Variants in PPP1R16B observed in about 807,000 individuals in gnomAD.
PPP1R16B encodes the protein protein phosphatase 1 regulatory subunit 16B.
A neutral mutation model predicts 61.7 loss-of-function variants in PPP1R16B; 14 were observed. The ratio of observed to expected loss-of-function variants is 0.23; its 90% CI spans 0.15 to 0.35. The LOEUF (loss-of-function observed/expected upper bound fraction) is 0.35. PPP1R16B is among the 10% of genes least tolerant of loss of function. PPP1R16B has a pLI of 1.00. For synonymous variants in PPP1R16B, 266 were observed against 305.3 expected, an observed-to-expected ratio of 0.87 and a Z score of 1.34; for missense variants, 547 against 752.5, an observed-to-expected ratio of 0.73 and a Z score of 3.19.
At chr20:38,814,088 T>C (rs2084719838) in intron 1 of PPP1R16B, among the ~76,000 whole-genome samples, 1 of 152,134 alleles carries the variant, frequency 6.6e-6, no homozygotes, top group African/African-American at 2.4e-5. Flanking sequence ...TGAGCCACTG[T>C]GTCTGGCCAG....
rs1384182390 is a variant in PPP1R16B at position 38,907,590 on chromosome 20, T to C, written c.899-216T>C. ...TCATAGCTGGGAAGCTTAGGAATTGTGACTGTGCCCAGAACCTGGGTTTCC... is the reference window on the plus strand; with the variant it reads ...TCATAGCTGGGAAGCTTAGGAATTGCGACTGTGCCCAGAACCTGGGTTTCC... On this transcript the variant is annotated intron_variant, in intron 8 of 10. Transcript: ENST00000299824. This position sits in a 1 kb window ranked among gnomAD's most constrained non-coding sequence, Gnocchi z 4.5. 6.6e-6 allele frequency among the ~76,000 whole-genome samples: 1 copy of C among 152,214 alleles called. No homozygotes were observed. Among genetic ancestry groups the C allele is most frequent in the Non-Finnish European group, 1.5e-5 (1 of 68,030 alleles).
intron 1 of PPP1R16B, among the ~76,000 whole-genome samples, chr20:38,809,824 A>G (rs1209455432): frequency 6.6e-6 from 1 of 152,080 alleles, no homozygotes; most frequent in Non-Finnish European, 1.5e-5. Flanking sequence ...TACAAAAAAT[A>G]CAAAAAATTA....
At chr20:38,912,043 C>T (rs1486707636) in intron 10 of PPP1R16B, among the ~76,000 whole-genome samples, 2 of 151,266 alleles carry the variant, frequency 1.3e-5, no homozygotes, top group African/African-American at 4.9e-5. Context: ...TGCCTTGTAC[C>T]TGTCTGCTTT....
intron 2 of PPP1R16B, among the ~76,000 whole-genome samples, chr20:38,849,919 G>C (rs1303080306): frequency 6.6e-6 from 1 of 152,140 alleles, no homozygotes; most frequent in Non-Finnish European, 1.5e-5. Context: ...TACCTGTTCA[G>C]CTAGTTTTGG....
intron 2 of PPP1R16B, among the ~76,000 whole-genome samples, chr20:38,880,681 C>A (rs77852448): frequency 2.7e-3 from 406 of 152,248 alleles, no homozygotes; most frequent in African/African-American, 9.4e-3. Flanking sequence ...GAAAAAAATA[C>A]TATTCCATTG....
chr20:38,821,421 A>G (rs1367985000), intron 1 of PPP1R16B, among the ~76,000 whole-genome samples: 1 of 152,228 alleles, frequency 6.6e-6, no homozygotes, highest in Non-Finnish European at 1.5e-5. Context: ...GAAAGATGCC[A>G]CAGCAGGACT....
intron 3 of PPP1R16B, among the ~76,000 whole-genome samples, chr20:38,895,238 G>A (rs1457917810): frequency 2.6e-5 from 4 of 151,702 alleles, no homozygotes; most frequent in Admixed American, 6.6e-5. Flanking sequence ...TAAAAAATAC[G>A]TTTTAAAACC....
At chr20:38,874,397 T>C (rs887259841) in intron 2 of PPP1R16B, among the ~76,000 whole-genome samples, 2 of 152,266 alleles carry the variant, frequency 1.3e-5, no homozygotes, top group South Asian at 2.1e-4. Context: ...TATAATCTAA[T>C]TCTCAGACAA....
intron 1 of PPP1R16B, among the ~76,000 whole-genome samples, chr20:38,828,469 A>T (rs972017061): frequency 6.6e-6 from 1 of 152,250 alleles, no homozygotes; most frequent in Non-Finnish European, 1.5e-5. Flanking sequence ...AGGTGGCAAC[A>T]TCCAATTCAA....
chr20:38,880,396 G>C (rs79673875), intron 2 of PPP1R16B, among the ~76,000 whole-genome samples: 2,926 of 152,334 alleles, frequency 0.019, 90 homozygotes, highest in African/African-American at 0.067. Flanking sequence ...GCTGGGTGTG[G>C]TGGCTCACGC....
intron 5 of PPP1R16B, among the ~76,000 whole-genome samples, chr20:38,901,611 T>C (rs984884761): frequency 3.3e-5 from 5 of 152,188 alleles, no homozygotes; most frequent in Non-Finnish European, 1.5e-5. Flanking sequence ...GATTTCACCA[T>C]GTTGGCCAGG....
intron 2 of PPP1R16B, among the ~76,000 whole-genome samples, chr20:38,885,785 A>C (rs116184634): frequency 3.3e-5 from 5 of 152,194 alleles, no homozygotes; most frequent in African/African-American, 1.2e-4. Flanking sequence ...TTATTTATAT[A>C]TATTTTTTGA....
chr20:38,915,254 G>A (rs1162671627), intron 10 of PPP1R16B, among the ~76,000 whole-genome samples: 1 of 152,158 alleles, frequency 6.6e-6, no homozygotes, highest in Admixed American at 6.5e-5. Context: ...TCATGATAGT[G>A]TCACACAGAA....
intron 1 of PPP1R16B, among the ~76,000 whole-genome samples, chr20:38,829,680 T>C (rs2084825047): frequency 6.6e-6 from 1 of 152,214 alleles, no homozygotes; most frequent in East Asian, 1.9e-4. Context: ...TGCAGCCTAT[T>C]GGAGCCATGG....
At chr20:38,903,987 C>T (rs535517850) in intron 6 of PPP1R16B, among the ~76,000 whole-genome samples, 1 of 152,342 alleles carries the variant, frequency 6.6e-6, no homozygotes, top group Non-Finnish European at 1.5e-5. Context: ...CTCGAGCTCA[C>T]TAGATAGGGC....
intron 2 of PPP1R16B, among the ~76,000 whole-genome samples, chr20:38,843,679 C>G (rs1377198335): frequency 6.6e-6 from 1 of 152,090 alleles, no homozygotes; most frequent in African/African-American, 2.4e-5. Context: ...AATTAAGCTT[C>G]ATCTTTTGAA....
chr20:38,810,692 G>A (rs1431877488), intron 1 of PPP1R16B, among the ~76,000 whole-genome samples: 1 of 152,122 alleles, frequency 6.6e-6, no homozygotes, highest in Non-Finnish European at 1.5e-5. Context: ...TCTGGATGCT[G>A]GTCACTGTCA....
chr20:38,905,143 A>G (rs1017730993), intron 6 of PPP1R16B, among the ~76,000 whole-genome samples: 2 of 152,200 alleles, frequency 1.3e-5, no homozygotes, highest in Non-Finnish European at 2.9e-5. Context: ...AGCATCTTAA[A>G]ACAATAATAA....
chr20:38,839,734 C>T (rs903314949), intron 2 of PPP1R16B, among the ~76,000 whole-genome samples: 1 of 151,988 alleles, frequency 6.6e-6, no homozygotes, highest in Non-Finnish European at 1.5e-5. Flanking sequence ...CGTTTTCATG[C>T]CAGAACATGT....
Sources: allele counts gnomAD v4.1 joint callset (sites outside exome capture counted in the v4.1 genomes callset), GRCh38; gene constraint gnomAD v4.1.1; non-coding constraint Gnocchi (gnomAD v3.1); transcripts MANE v1.5; gene names NCBI Gene and HGNC (gene_info 2026-07-23, HGNC 2026-07-21).